Variants in OPCML observed in about 807,000 individuals in gnomAD.
The protein encoded by OPCML is opioid binding protein/cell adhesion molecule like, also known as opioid-binding protein/cell adhesion molecule.
A neutral mutation model predicts 37.8 loss-of-function variants in OPCML; 13 were observed. The observed-to-expected ratio is 0.34, with a 90% CI of 0.22 to 0.55. OPCML has a LOEUF of 0.55. OPCML is among the 20% of genes least tolerant of loss of function. The pLI, the probability that OPCML is intolerant of heterozygous loss-of-function variation, is 0.91. For synonymous variants in OPCML, 176 were observed against 168.8 expected (o/e 1.04, Z -0.33); for missense variants, 341 against 435.6 (o/e 0.78, Z 1.93).
chr11:133,431,988 C>T (rs1383613152), intron 1 of OPCML, among the ~76,000 whole-genome samples: 1 of 151,990 alleles, frequency 6.6e-6, no homozygotes, highest in East Asian at 1.9e-4. Context: ...ACTAAGAAAT[C>T]AGTTCTCAGA....
rs1255603307 is a variant in OPCML, at chr11:132,554,883, T to TTTTTTTTTTTTTTTTTTTTTTC, written c.380-25698_380-25697insGAAAAAAAAAAAAAAAAAAAAA. Among the ~76,000 whole-genome samples, 58 of 125,738 alleles carry TTTTTTTTTTTTTTTTTTTTTTC rather than the reference T, an allele frequency of 4.6e-4. 1 individual carries two copies. The highest frequency in any genetic ancestry group is 2.8e-3 in the East Asian group (8 of 2,846). The allele number at this position is 125,738 out of a possible 152,430, so 82.5% of individuals were successfully genotyped here. ...GTAAAGTTTTTTTTTTTTTTTTTTT[T>TTTTTTTTTTTTTTTTTTTTTTC]TTTTTTTTCATTAGCTCTATGGTTA... On this transcript the variant is annotated intron_variant, in intron 3 of 7. Coordinates refer to ENST00000524381, the MANE Select transcript of OPCML (RefSeq NM_001012393.5).
chr11:133,292,699 A>C (rs1342910210), intron 1 of OPCML, among the ~76,000 whole-genome samples: 1 of 152,188 alleles, frequency 6.6e-6, no homozygotes, highest in Non-Finnish European at 1.5e-5. Context: ...AAAAGCCCTT[A>C]TATTTCCACC....
chr11:132,541,661 G>T (rs1443567551), intron 3 of OPCML, among the ~76,000 whole-genome samples: 1 of 152,072 alleles, frequency 6.6e-6, no homozygotes, highest in African/African-American at 2.4e-5. Flanking sequence ...ACATTTTAAG[G>T]ATTAGGTACT....
At chr11:132,447,170 C>T (rs2096057544) in intron 4 of OPCML, among the ~76,000 whole-genome samples, 1 of 152,204 alleles carries the variant, frequency 6.6e-6, no homozygotes, top group Non-Finnish European at 1.5e-5. Flanking sequence ...CTGCGTCTGA[C>T]TTGTTTTCCC....
At chr11:132,887,385 A>C (rs907813326) in intron 2 of OPCML, among the ~76,000 whole-genome samples, 1 of 152,218 alleles carries the variant, frequency 6.6e-6, no homozygotes, top group Non-Finnish European at 1.5e-5. Flanking sequence ...CAAGCAGCAC[A>C]TGACTGTGTT....
intron 1 of OPCML, among the ~76,000 whole-genome samples, chr11:133,490,261 T>C (rs1947626153): frequency 6.6e-6 from 1 of 152,224 alleles, no homozygotes; most frequent in African/African-American, 2.4e-5. Flanking sequence ...CCCACCTTTC[T>C]GAGATTTCCA....
At chr11:132,898,245 G>A (rs563695369) in intron 2 of OPCML, among the ~76,000 whole-genome samples, 1 of 152,296 alleles carries the variant, frequency 6.6e-6, no homozygotes, top group South Asian at 2.1e-4. Flanking sequence ...ACATTGGATG[G>A]CTTCCATCAT....
At chr11:132,837,835 G>A (rs1565900061) in intron 2 of OPCML, among the ~76,000 whole-genome samples, 1 of 152,198 alleles carries the variant, frequency 6.6e-6, no homozygotes, top group Non-Finnish European at 1.5e-5. Flanking sequence ...CAGGAGCTAA[G>A]CGGGTCAGTA....
intron 2 of OPCML, among the ~76,000 whole-genome samples, chr11:132,755,163 A>T (rs1009481096): frequency 6.6e-6 from 1 of 152,212 alleles, no homozygotes; most frequent in Non-Finnish European, 1.5e-5. Context: ...CCTAAATATA[A>T]GAAAGACTCC....
intron 2 of OPCML, among the ~76,000 whole-genome samples, chr11:132,879,933 G>T (rs1318000538): frequency 6.6e-6 from 1 of 152,132 alleles, no homozygotes; most frequent in African/African-American, 2.4e-5. Flanking sequence ...TTCATAGAAA[G>T]ATAAAGTTAC....
chr11:132,619,755 G>C (rs552022816), intron 3 of OPCML, among the ~76,000 whole-genome samples: 2 of 151,240 alleles, frequency 1.3e-5, no homozygotes, highest in East Asian at 3.9e-4. Context: ...GAGAGGCTGA[G>C]GCAGGAGAAT....
chr11:132,776,696 C>A (rs1946822236), intron 2 of OPCML, among the ~76,000 whole-genome samples: 1 of 152,058 alleles, frequency 6.6e-6, no homozygotes. Flanking sequence ...TCTTGTACAG[C>A]CTGCAGAACC....
At chr11:132,822,988 T>C (rs1004698224) in intron 2 of OPCML, among the ~76,000 whole-genome samples, 5 of 152,218 alleles carry the variant, frequency 3.3e-5, no homozygotes, top group African/African-American at 1.2e-4. Flanking sequence ...AAGTGCACTT[T>C]ATGAATATTC....
intron 7 of OPCML, among the ~76,000 whole-genome samples, chr11:132,425,515 T>G (rs1335973406): frequency 1.3e-5 from 2 of 152,238 alleles, no homozygotes; most frequent in Admixed American, 6.5e-5. Flanking sequence ...CTATCTACCC[T>G]TGCAGGATTG....
intron 1 of OPCML, among the ~76,000 whole-genome samples, chr11:133,326,291 G>A (rs1943448450): frequency 2.8e-5 from 3 of 108,682 alleles, no homozygotes; most frequent in African/African-American, 4.2e-5. Flanking sequence ...GGGTGTGGGT[G>A]TGTGTGGGGG....
chr11:132,799,636 T>A (rs945811876), intron 2 of OPCML, among the ~76,000 whole-genome samples: 3 of 151,928 alleles, frequency 2.0e-5, no homozygotes, highest in African/African-American at 4.8e-5. Context: ...GAATTAATAA[T>A]ATGTGGCACC....
Position 133,212,363 on chromosome 11 carries a change from C to A in OPCML, c.62-269353G>T, listed in dbSNP as rs1939398308. Among the ~76,000 whole-genome samples, 1 of 152,180 alleles carries A rather than the reference C, an allele frequency of 6.6e-6. No individual in the cohort carries two copies. On this transcript the variant is annotated intron_variant, in intron 1 of 7. Transcript: ENST00000524381. This position sits in a 1 kb window ranked among gnomAD's most constrained non-coding sequence, Gnocchi z 4.9. ...TGCCACTCTCCCACTGCCCCTGAAT[C>A]CTAGCCACACTGACTACTCTGCTGT...
Position 132,428,815 on chromosome 11 carries a change from G to A in OPCML, c.916+7271C>T, listed in dbSNP as rs143461853. ...AAATGATAACAATATCAATCTCAAA[G>A]TGTTCTTATGTGTCTAAAGCCATGT... is the stretch of plus-strand genomic sequence containing the variant. On this transcript the variant is annotated intron_variant, in intron 7 of 7. Transcript: ENST00000524381. Among the ~76,000 whole-genome samples the A allele has an allele frequency of 2.1e-3, 326 of 152,240 alleles. 1 individual carries two copies. The highest frequency in any genetic ancestry group is 7.7e-3 in the African/African-American group (318 of 41,524).
At chr11:133,328,744 C>G (rs1241329993) in intron 1 of OPCML, among the ~76,000 whole-genome samples, 3 of 152,152 alleles carry the variant, frequency 2.0e-5, no homozygotes, top group Non-Finnish European at 2.9e-5. Context: ...TGGGCAAAAA[C>G]TGGAAGCATT....
Sources: gnomAD v4.1 joint callset for allele counts (sites outside exome capture counted in the v4.1 genomes callset) on GRCh38, gnomAD v4.1.1 for gene constraint, Gnocchi (gnomAD v3.1) non-coding constraint, MANE v1.5 for transcripts, NCBI Gene and HGNC (gene_info 2026-07-23, HGNC 2026-07-21) for gene names.